SCHIP1: variants seen among roughly 807,000 people sequenced by gnomAD.
SCHIP1 encodes the protein schwannomin interacting protein 1.
SCHIP1 carries 8 observed loss-of-function variants against 29.7 expected under a neutral mutation model. The ratio of observed to expected loss-of-function variants is 0.27; its 90% CI spans 0.16 to 0.49. The LOEUF is 0.49. Among genes scored for constraint, SCHIP1 ranks in the 20% least tolerant of loss-of-function variants. SCHIP1 has a pLI of 0.99. For missense variants in SCHIP1, 193 were observed against 294.6 expected (o/e 0.66, Z 2.52); for synonymous variants, 76 against 94.9 (o/e 0.80, Z 1.16).
the SCHIP1 span, among the ~76,000 whole-genome samples, chr3:159,441,886 A>G: frequency 6.6e-6 from 1 of 152,006 alleles, no homozygotes; most frequent in Admixed American, 6.6e-5. Flanking sequence ...ATTTAGAGAT[A>G]GGGTTTCCCT....
chr3:159,390,836 C>G, the SCHIP1 span, among the ~76,000 whole-genome samples: 1 of 151,934 alleles, frequency 6.6e-6, no homozygotes, highest in Non-Finnish European at 1.5e-5. Flanking sequence ...CTTCTTGCCA[C>G]ATAAGCAATG....
At chr3:159,416,946 T>C in the SCHIP1 span, among the ~76,000 whole-genome samples, 4 of 152,194 alleles carry the variant, frequency 2.6e-5, no homozygotes, top group Non-Finnish European at 4.4e-5. Context: ...TGAAGGCCAA[T>C]GTGGATCCCT....
At chr3:159,300,201 C>T in the SCHIP1 span, among the ~76,000 whole-genome samples, 2 of 142,014 alleles carry the variant, frequency 1.4e-5, no homozygotes, top group Middle Eastern at 3.8e-3. Context: ...TAGCTCACTG[C>T]AGCTCAAACT....
the SCHIP1 span, among the ~76,000 whole-genome samples, chr3:159,616,528 G>A: frequency 6.6e-6 from 1 of 152,168 alleles, no homozygotes; most frequent in Non-Finnish European, 1.5e-5. Flanking sequence ...TGAGGGCTGG[G>A]GACATGGACG....
At chr3:159,886,123 G>A in intron 2 of SCHIP1, 84 bp from the exon 4 acceptor site, 3 of 1,469,124 alleles carry the variant, frequency 2.0e-6, no homozygotes, top group Non-Finnish European at 1.9e-6. Flanking sequence ...ACTACTTTCT[G>A]TTAGCAAAAT....
the SCHIP1 span, among the ~76,000 whole-genome samples, chr3:159,651,966 C>G: frequency 6.6e-6 from 1 of 152,032 alleles, no homozygotes; most frequent in African/African-American, 2.4e-5. Flanking sequence ...CATGGTGGCA[C>G]GTGCCTGTAG....
chr3:159,307,525 A>AT, the SCHIP1 span, among the ~76,000 whole-genome samples: 1,673 of 151,672 alleles, frequency 0.011, 19 homozygotes, highest in African/African-American at 0.019. Context: ...CTTAATTTAA[A>AT]TTTTTTTTTG....
chr3:159,391,983 G>A, the SCHIP1 span, among the ~76,000 whole-genome samples: 1 of 152,172 alleles, frequency 6.6e-6, no homozygotes, highest in Non-Finnish European at 1.5e-5. Flanking sequence ...CATCAGTAAA[G>A]GTTAGAGCGA....
At chr3:159,298,644 A>G in the SCHIP1 span, among the ~76,000 whole-genome samples, 13 of 152,202 alleles carry the variant, frequency 8.5e-5, no homozygotes, top group Non-Finnish European at 1.9e-4. Flanking sequence ...AGTTTTGCAG[A>G]TCAGATCTGC....
chr3:159,598,726 A>G, the SCHIP1 span, among the ~76,000 whole-genome samples: 4 of 152,124 alleles, frequency 2.6e-5, no homozygotes, highest in African/African-American at 7.2e-5. Context: ...ATTAAATTGA[A>G]AGGAGTTTCA....
the SCHIP1 span, chr3:159,764,921 C>T: frequency 2.0e-6 from 3 of 1,518,788 alleles, no homozygotes; most frequent in Non-Finnish European, 2.6e-6. This position sits in a 1 kb window ranked among gnomAD's most constrained non-coding sequence, Gnocchi z 6.1. Context: ...CCCCGCCGGG[C>T]GATCCAAAAG....
At chr3:159,785,947 T>G in the SCHIP1 span, among the ~76,000 whole-genome samples, 1 of 152,262 alleles carries the variant, frequency 6.6e-6, no homozygotes, top group Non-Finnish European at 1.5e-5. Context: ...TGGGAAATTT[T>G]AAAACATCTT....
chr3:159,631,703 T>TA, the SCHIP1 span, among the ~76,000 whole-genome samples: 1 of 152,168 alleles, frequency 6.6e-6, no homozygotes. Flanking sequence ...GCTTAATAGT[T>TA]ACAGAATTTC....
chr3:159,843,673 A>G (rs961481250), intron 1 of SCHIP1, among the ~76,000 whole-genome samples: 4 of 151,934 alleles, frequency 2.6e-5, no homozygotes, highest in African/African-American at 9.7e-5. Flanking sequence ...AATACAAAAA[A>G]TCAGCCGGCC....
chr3:159,504,340 GA>G, the SCHIP1 span, among the ~76,000 whole-genome samples: 10 of 152,206 alleles, frequency 6.6e-5, no homozygotes, highest in Non-Finnish European at 1.2e-4. Flanking sequence ...TATGAAGCCA[GA>G]ACCAATTTCA....
the SCHIP1 span, among the ~76,000 whole-genome samples, chr3:159,701,018 A>G: frequency 6.6e-6 from 1 of 152,152 alleles, no homozygotes; most frequent in Non-Finnish European, 1.5e-5. Flanking sequence ...ACTTAAAATG[A>G]GGATGATTAA....
the SCHIP1 span, among the ~76,000 whole-genome samples, chr3:159,543,994 A>AC: frequency 6.6e-6 from 1 of 152,110 alleles, no homozygotes; most frequent in Non-Finnish European, 1.5e-5. Flanking sequence ...CAACCATGCA[A>AC]CCACCAATTA....
chr3:159,740,959 C>T, the SCHIP1 span, among the ~76,000 whole-genome samples: 5 of 152,160 alleles, frequency 3.3e-5, no homozygotes, highest in South Asian at 1.0e-3. Context: ...TTCGACACTC[C>T]CCTAAAGCCT....
the SCHIP1 span, among the ~76,000 whole-genome samples, chr3:159,707,354 A>G: frequency 6.6e-6 from 1 of 152,244 alleles, no homozygotes; most frequent in Non-Finnish European, 1.5e-5. Context: ...TAAGTTATTT[A>G]AGCTCTCAGC....
Sources: gnomAD v4.1 joint callset for allele counts (sites outside exome capture counted in the v4.1 genomes callset) on GRCh38, gnomAD v4.1.1 for gene constraint, Gnocchi (gnomAD v3.1) non-coding constraint, MANE v1.5 for transcripts, NCBI Gene and HGNC (gene_info 2026-07-23, HGNC 2026-07-21) for gene names.